Variants in OSBPL6 observed in about 807,000 individuals in gnomAD.
OSBPL6 encodes the protein oxysterol-binding protein-related protein 6.
OSBPL6 carries 49 observed loss-of-function variants against 125.8 expected under a neutral mutation model. The observed-to-expected ratio is 0.39, with a 90% CI of 0.31 to 0.49. The LOEUF (loss-of-function observed/expected upper bound fraction) is 0.49, where lower values mean the gene tolerates loss of function less well. Ranked by LOEUF, OSBPL6 falls within the 20% of genes least tolerant of loss-of-function variation. The pLI, the probability that OSBPL6 is intolerant of heterozygous loss-of-function variation, is 0.88. For synonymous variants in OSBPL6, 394 were observed against 391.8 expected, an observed-to-expected ratio of 1.01 and a Z score of -0.07; for missense variants, 986 against 1,135.4, an observed-to-expected ratio of 0.87 and a Z score of 1.89.
At position 178,306,199 on chromosome 2, in the gene OSBPL6, G is replaced by A; in HGVS notation, c.15G>A (p.Glu5=). Residue 5 remains glutamate, a synonymous_variant, in exon 3 of 25, where the codon GAG becomes GAA. Transcript: ENST00000190611. The part of the protein sequence containing the change: MSSD[E]KGISPAHKTS... The stretch of plus-strand genomic sequence containing the variant: ...TAACTGCAGCGATGAGTTCAGATGA[G>A]AAGGGCATTTCCCCTGCTCATAAAA... 6.2e-7 allele frequency: 1 copy of A among 1,612,950 alleles called. No individual in the cohort carries two copies. Among genetic ancestry groups the A allele is most frequent in the Non-Finnish European group, 8.5e-7 (1 of 1,178,994 alleles).
intron 1 of OSBPL6, among the ~76,000 whole-genome samples, chr2:178,247,016 A>AC (rs1491121004): frequency 9.3e-5 from 4 of 43,184 alleles, no homozygotes; most frequent in South Asian, 8.3e-4. Context: ...GCCCCTCCCC[A>AC]CCCCCCCATG....
chr2:178,355,380 A>T (rs1691685783), intron 12 of OSBPL6, among the ~76,000 whole-genome samples: 1 of 152,184 alleles, frequency 6.6e-6, no homozygotes, highest in Admixed American at 6.5e-5. Flanking sequence ...AGTCAAATAG[A>T]TGCAATAAAA....
At chr2:178,204,862 A>G (rs975817658) in intron 1 of OSBPL6, among the ~76,000 whole-genome samples, 1 of 152,180 alleles carries the variant, frequency 6.6e-6, no homozygotes, top group Admixed American at 6.5e-5. Flanking sequence ...TTATTGATTC[A>G]TTGACTGATT....
intron 1 of OSBPL6, among the ~76,000 whole-genome samples, chr2:178,280,588 A>C (rs986779001): frequency 1.3e-5 from 2 of 152,252 alleles, no homozygotes; most frequent in Non-Finnish European, 2.9e-5. Context: ...TTGACATTTC[A>C]TATGCATTGT....
chr2:178,220,099 T>C (rs189239451), intron 1 of OSBPL6, among the ~76,000 whole-genome samples: 1 of 152,204 alleles, frequency 6.6e-6, no homozygotes, highest in Admixed American at 6.5e-5. Context: ...ATAGCTCAAA[T>C]GTAATAACTA....
rs573578252 is a variant in OSBPL6 at position 178,196,532 on chromosome 2, T to C, written c.-351+1858T>C. On this transcript the variant is annotated intron_variant, in intron 1 of 24. Coordinates refer to ENST00000190611, the MANE Select transcript of OSBPL6 (RefSeq NM_032523.4). Reference sequence around the variant, plus strand: ...GTATGAGGTAGTTCTGCTGGACTTTTATAGGATCACATATGTAAGTTTTCT... The same window carrying C: ...GTATGAGGTAGTTCTGCTGGACTTTCATAGGATCACATATGTAAGTTTTCT... Among the ~76,000 whole-genome samples the C allele has an allele frequency of 1.7e-3, 252 of 152,304 alleles. 2 individuals carry two copies. The highest frequency in any genetic ancestry group is 2.4e-3 in the Non-Finnish European group (166 of 68,028).
At chr2:178,209,436 TTTC>T (rs965461585) in intron 1 of OSBPL6, among the ~76,000 whole-genome samples, 8 of 85,334 alleles carry the variant, frequency 9.4e-5, no homozygotes, top group African/African-American at 3.6e-4. Context: ...TCTTTCTTTC[TTTC>T]TTTTTTTTTT....
At chr2:178,280,842 T>G (rs1684089302) in intron 1 of OSBPL6, among the ~76,000 whole-genome samples, 1 of 152,152 alleles carries the variant, frequency 6.6e-6, no homozygotes, top group African/African-American at 2.4e-5. Context: ...TTAAGTTCCT[T>G]GTAGACTCTG....
Position 178,372,399 on chromosome 2 carries a change from A to T in OSBPL6, c.1395+166A>T, listed in dbSNP as rs558499416. On this transcript the variant is annotated intron_variant, in intron 14 of 24. Coordinates refer to ENST00000190611, the MANE Select transcript of OSBPL6 (RefSeq NM_032523.4). The stretch of plus-strand genomic sequence containing the variant: ...TTCTTTGAAGTAAAGGTTATATAAG[A>T]GCTTGACATCATTTATACCTGGTGA... Among the ~76,000 whole-genome samples, 22 of 152,232 alleles carry T rather than the reference A, an allele frequency of 1.4e-4. No individual in the cohort carries two copies. The South Asian group carries it at 4.3e-3, about 30-fold the overall frequency.
chr2:178,290,031 CT>C (rs1367902346), intron 2 of OSBPL6, among the ~76,000 whole-genome samples: 7 of 152,176 alleles, frequency 4.6e-5, no homozygotes, highest in Admixed American at 1.3e-4. Flanking sequence ...CCTGATCCCC[CT>C]GTTCTAAAGT....
rs1296254306 is a variant in OSBPL6 at position 178,383,093 on chromosome 2, C to T, written c.1691C>T (p.Pro564Leu). Residue 564 changes from proline to leucine, a missense_variant, in exon 17 of 25, where the codon CCT (proline) becomes CTT (leucine). By Grantham distance (98) the Pro-to-Leu change is moderately conservative. Around this residue, in one of 3 missense-constraint regions of OSBPL6, gnomAD observed 843 missense variants for 997.3 expected, o/e 0.85. Transcript: ENST00000190611. ...GRRACLPAPC[P>L]DTSNINLWNI... Reference sequence around the variant, plus strand: ...CGAGCATGCCTGCCAGCTCCTTGTCCTGACACCAGTAACATTAACCTGTGG... The same window carrying T: ...CGAGCATGCCTGCCAGCTCCTTGTCTTGACACCAGTAACATTAACCTGTGG... The T allele has an allele frequency of 3.1e-6, 5 of 1,614,088 alleles. No individual in the cohort carries two copies. In the African/African-American group the frequency reaches 4.0e-5, roughly 13 times the overall value.
intron 5 of OSBPL6, 119 bp downstream of exon 5, chr2:178,328,497 CT>C (rs1006293931): frequency 9.6e-5 from 122 of 1,270,568 alleles, no homozygotes; most frequent in African/African-American, 1.1e-4. Context: ...CTTTTTAAAA[CT>C]TTTTTTTGAG....
chr2:178,255,542 G>A (rs1237121059), intron 1 of OSBPL6, among the ~76,000 whole-genome samples: 2 of 152,178 alleles, frequency 1.3e-5, no homozygotes, highest in Non-Finnish European at 2.9e-5. Flanking sequence ...AACCATATCA[G>A]ATAGTTCTCT....
intron 1 of OSBPL6, among the ~76,000 whole-genome samples, chr2:178,223,039 AT>A (rs2090408688): frequency 6.6e-6 from 1 of 152,068 alleles, no homozygotes; most frequent in Non-Finnish European, 1.5e-5. Flanking sequence ...GTTGTGTCCT[AT>A]TTTTTTGTTG....
At chr2:178,395,236 C>G (rs1171246644) in intron 24 of OSBPL6, among the ~76,000 whole-genome samples, 2 of 152,178 alleles carry the variant, frequency 1.3e-5, no homozygotes, top group Non-Finnish European at 2.9e-5. Flanking sequence ...GAGTTCCTCT[C>G]CCCCTGGCCC....
chr2:178,391,903 A>G (rs540010341), intron 22 of OSBPL6, among the ~76,000 whole-genome samples: 27 of 152,364 alleles, frequency 1.8e-4, no homozygotes, highest in African/African-American at 6.3e-4. Flanking sequence ...GCAACTATTT[A>G]TTGAGTGCTG....
chr2:178,311,317 A>G (rs924933288), intron 3 of OSBPL6, among the ~76,000 whole-genome samples: 6 of 151,928 alleles, frequency 3.9e-5, no homozygotes, highest in Non-Finnish European at 5.9e-5. Context: ...CAGTCTCCAA[A>G]TATACCCTCC....
chr2:178,203,211 G>A (rs1040201837), intron 1 of OSBPL6, among the ~76,000 whole-genome samples: 1 of 151,982 alleles, frequency 6.6e-6, no homozygotes. Context: ...TTAAATTGAG[G>A]TAGAGTCTCA....
At chr2:178,361,912 C>T (rs1228560334) in intron 13 of OSBPL6, 97 bp downstream of exon 13, 13 of 1,466,584 alleles carry the variant, frequency 8.9e-6, no homozygotes, top group Non-Finnish European at 1.2e-5. Context: ...GGTGGCTAGT[C>T]ATGGGGATAG....
Sources: allele counts gnomAD v4.1 joint callset (sites outside exome capture counted in the v4.1 genomes callset), GRCh38; gene constraint gnomAD v4.1.1; regional missense constraint gnomAD v4.1.1; transcripts MANE v1.5; gene names NCBI Gene and HGNC (gene_info 2026-07-23, HGNC 2026-07-21).